The following SLC2A13 variants were observed in gnomAD, a reference collection of about 807,000 sequenced individuals.
SLC2A13 encodes the protein solute carrier family 2 member 13.
A neutral mutation model predicts 64.4 loss-of-function variants in SLC2A13; 32 were observed. The ratio of observed to expected loss-of-function variants is 0.50; its 90% confidence interval spans 0.37 to 0.67. SLC2A13 has a LOEUF of 0.67. Among genes scored for constraint, SLC2A13 ranks in the 30% least tolerant of loss-of-function variants. The pLI, the probability that SLC2A13 is intolerant of heterozygous loss-of-function variation, is 0.00. For missense variants in SLC2A13, 743 were observed against 829.2 expected, an observed-to-expected ratio of 0.90 and a Z score of 1.28; for synonymous variants, 338 against 327.1, an observed-to-expected ratio of 1.03 and a Z score of -0.36.
intron 1 of SLC2A13, among the ~76,000 whole-genome samples, chr12:40,086,126 C>T (rs1938581000): frequency 1.3e-5 from 2 of 152,170 alleles, no homozygotes; most frequent in Admixed American, 1.3e-4. Context: ...TGTGAGCCAT[C>T]GTGCCTGGCC....
At chr12:39,891,549 C>T (rs1163705447) in intron 4 of SLC2A13, among the ~76,000 whole-genome samples, 5 of 152,028 alleles carry the variant, frequency 3.3e-5, no homozygotes, top group Non-Finnish European at 7.4e-5. Flanking sequence ...TTCTAGGAGT[C>T]GTGAAATGCA....
chr12:39,956,839 A>G (rs560906442), intron 3 of SLC2A13, among the ~76,000 whole-genome samples: 1 of 152,300 alleles, frequency 6.6e-6, no homozygotes, highest in South Asian at 2.1e-4. Flanking sequence ...ATGGATTACA[A>G]GATGCAAACT....
chr12:39,996,237 T>C (rs1208611820), intron 3 of SLC2A13, among the ~76,000 whole-genome samples: 1 of 152,178 alleles, frequency 6.6e-6, no homozygotes, highest in Non-Finnish European at 1.5e-5. Flanking sequence ...TAGAGATTTG[T>C]GGAACTTTAA....
At chr12:39,916,908 C>T (rs1050960444) in intron 4 of SLC2A13, among the ~76,000 whole-genome samples, 7 of 151,962 alleles carry the variant, frequency 4.6e-5, no homozygotes, top group East Asian at 1.9e-4. Context: ...CAAACATATA[C>T]GGTGGGGAAA....
intron 4 of SLC2A13, among the ~76,000 whole-genome samples, chr12:39,872,857 C>A (rs906806050): frequency 2.0e-5 from 3 of 152,082 alleles, no homozygotes; most frequent in Non-Finnish European, 4.4e-5. Flanking sequence ...ATGGCTTTGC[C>A]CAGCTTTTCA....
At chr12:40,073,536 T>C (rs925860846) in intron 1 of SLC2A13, among the ~76,000 whole-genome samples, 4 of 152,104 alleles carry the variant, frequency 2.6e-5, no homozygotes, top group African/African-American at 9.6e-5. Context: ...TAGATCTGAG[T>C]TTCTGACATA....
At chr12:39,957,856 C>G (rs1040301312) in intron 3 of SLC2A13, among the ~76,000 whole-genome samples, 1 of 152,126 alleles carries the variant, frequency 6.6e-6, no homozygotes, top group Non-Finnish European at 1.5e-5. Flanking sequence ...ATGCTAGGGA[C>G]AGAAACGTGA....
intron 6 of SLC2A13, among the ~76,000 whole-genome samples, chr12:39,832,382 T>C (rs1348305622): frequency 1.3e-5 from 2 of 152,198 alleles, no homozygotes; most frequent in African/African-American, 2.4e-5. Context: ...GAAATTATTC[T>C]CAATTTTATT....
chr12:40,072,626 T>C (rs1340803219), intron 1 of SLC2A13, among the ~76,000 whole-genome samples: 1 of 152,144 alleles, frequency 6.6e-6, no homozygotes, highest in Non-Finnish European at 1.5e-5. Context: ...ATAGAACTCA[T>C]GTGTCTTTAT....
chr12:39,995,202 G>C (rs1260288952), intron 3 of SLC2A13, among the ~76,000 whole-genome samples: 1 of 152,168 alleles, frequency 6.6e-6, no homozygotes, highest in Non-Finnish European at 1.5e-5. Flanking sequence ...GTAGTATTCT[G>C]ATACATGCAT....
intron 4 of SLC2A13, chr12:39,949,637 T>C (rs1946195174): frequency 6.6e-6 from 1 of 152,214 alleles, no homozygotes; most frequent in Non-Finnish European, 1.5e-5. Flanking sequence ...GCTCTGTTTG[T>C]GATACCAGTT....
At position 39,757,330 on chromosome 12, in the gene SLC2A13, T is replaced by C. The variant is rs553458580; in HGVS notation, c.*2696A>G. 1 of 151,988 alleles carries C rather than the reference T, an allele frequency of 6.6e-6. No individual in the cohort carries two copies. The highest frequency in any genetic ancestry group is 1.5e-5 in the Non-Finnish European group (1 of 67,724). 9.4% of individuals were successfully genotyped at this position (151,988 alleles called of 1,614,324 possible). A position where few individuals can be genotyped will look rare whatever the true frequency, so the allele number is the denominator to read the frequency against. ...TAATATGGTAGGTCAAATCACATCA[T>C]ATATAAATTGTCCTACAAAATATAT... is the stretch of plus-strand genomic sequence containing the variant. On this transcript the variant is annotated 3_prime_UTR_variant, in exon 10 of 10. Coordinates refer to ENST00000280871, the MANE Select transcript of SLC2A13 (RefSeq NM_052885.4).
intron 7 of SLC2A13, among the ~76,000 whole-genome samples, chr12:39,766,168 A>C (rs932541041): frequency 6.6e-6 from 1 of 152,064 alleles, no homozygotes; most frequent in African/African-American, 2.4e-5. Flanking sequence ...CTACACCCAG[A>C]TCTGCCTTTG....
At chr12:40,071,381 A>G (rs1324968189) in intron 1 of SLC2A13, among the ~76,000 whole-genome samples, 2 of 152,166 alleles carry the variant, frequency 1.3e-5, no homozygotes, top group South Asian at 2.1e-4. Flanking sequence ...ACAAATCCCA[A>G]TTCATAATGG....
chr12:39,838,654 T>C (rs1943094379), intron 6 of SLC2A13, among the ~76,000 whole-genome samples: 3 of 152,058 alleles, frequency 2.0e-5, no homozygotes, highest in African/African-American at 7.2e-5. Flanking sequence ...CTGCTTAGTG[T>C]CTAAGGAAGA....
At chr12:40,025,612 T>C (rs907755153) in intron 3 of SLC2A13, among the ~76,000 whole-genome samples, 1 of 152,124 alleles carries the variant, frequency 6.6e-6, no homozygotes, top group Non-Finnish European at 1.5e-5. Flanking sequence ...TTATAAGAAA[T>C]AGGGTGTCTT....
intron 1 of SLC2A13, among the ~76,000 whole-genome samples, chr12:40,070,744 G>A (rs181419946): frequency 6.6e-6 from 1 of 152,080 alleles, no homozygotes; most frequent in African/African-American, 2.4e-5. Context: ...TTCTTCTGTT[G>A]TGACCATCCT....
At chr12:39,831,474 C>G (rs1942848807) in intron 6 of SLC2A13, among the ~76,000 whole-genome samples, 1 of 152,132 alleles carries the variant, frequency 6.6e-6, no homozygotes, top group Admixed American at 6.6e-5. Context: ...AAAAGACATA[C>G]AAGTTGTCTG....
At chr12:39,840,414 C>T (rs1384422751) in intron 6 of SLC2A13, among the ~76,000 whole-genome samples, 1 of 151,970 alleles carries the variant, frequency 6.6e-6, no homozygotes, top group Non-Finnish European at 1.5e-5. Context: ...AAAGAGCTTC[C>T]CATTGCCTAT....
Sources: gnomAD v4.1 joint callset for allele counts (sites outside exome capture counted in the v4.1 genomes callset) on GRCh38, gnomAD v4.1.1 for gene constraint, MANE v1.5 for transcripts, NCBI Gene and HGNC (gene_info 2026-07-23, HGNC 2026-07-21) for gene names.